EPS15: variants seen among roughly 807,000 people sequenced by gnomAD.
EPS15 encodes the protein epidermal growth factor receptor substrate 15.
EPS15 carries 72 observed loss-of-function variants against 113.8 expected under a neutral mutation model. The observed-to-expected ratio is 0.63, with a 90% confidence interval of 0.52 to 0.77. The LOEUF is 0.77. EPS15 is among the 30% of genes least tolerant of loss of function. The pLI, the probability that EPS15 is intolerant of heterozygous loss-of-function variation, is 0.00. For missense variants in EPS15, 1,048 were observed against 1,045.8 expected (o/e 1.00, Z -0.03); for synonymous variants, 344 against 363.4 (o/e 0.95, Z 0.61).
Position 51,363,893 on chromosome 1 carries a change from G to T in EPS15, c.2332C>A (p.Pro778Thr), listed in dbSNP as rs1210928908. 1.9e-6 allele frequency: 3 copies of T among 1,613,208 alleles called. No individual in the cohort carries two copies. The highest frequency in any genetic ancestry group is 2.5e-6 in the Non-Finnish European group (3 of 1,179,522). The change falls in exon 23 of 25, where the codon CCA (proline) becomes ACA (threonine). Residue 778 changes from proline (P) to threonine (T), a missense_variant. Coordinates refer to ENST00000371733, the MANE Select transcript of EPS15 (RefSeq NM_001981.3). ...PPALPPKIGTPTRPCPLPPGK... is the reference protein window; with the variant it reads ...PPALPPKIGTTTRPCPLPPGK... ...GGTGGTAGAGGGCAGGGTCTTGTTG[G>T]AGTTCCGATCTTTGGTGGCAGTGCT...
intron 21 of EPS15, among the ~76,000 whole-genome samples, chr1:51,386,664 T>G (rs1647083770): frequency 6.6e-6 from 1 of 151,932 alleles, no homozygotes; most frequent in African/African-American, 2.4e-5. Flanking sequence ...GAGAACTACG[T>G]GAAGAATGCA....
intron 2 of EPS15, among the ~76,000 whole-genome samples, chr1:51,474,707 G>A (rs1219950063): frequency 1.3e-5 from 2 of 151,614 alleles, no homozygotes; most frequent in Non-Finnish European, 2.9e-5. Context: ...TATACTTTAA[G>A]TTCTAGGGTA....
chr1:51,511,428 G>A (rs897473774), intron 1 of EPS15, among the ~76,000 whole-genome samples: 2 of 152,020 alleles, frequency 1.3e-5, no homozygotes, highest in African/African-American at 4.8e-5. Flanking sequence ...CCCAGGGGTG[G>A]AGGTTGCAGT....
chr1:51,451,041 G>C (rs992329610), intron 8 of EPS15, among the ~76,000 whole-genome samples: 1 of 151,342 alleles, frequency 6.6e-6, no homozygotes, highest in African/African-American at 2.4e-5. Flanking sequence ...ATGCTAACCA[G>C]GAAAAAAAGA....
intron 12 of EPS15, among the ~76,000 whole-genome samples, chr1:51,436,095 G>A (rs566804178): frequency 3.9e-5 from 6 of 152,298 alleles, no homozygotes; most frequent in South Asian, 2.1e-4. Context: ...AGTACAAAGA[G>A]CAAACACACT....
At chr1:51,444,293 A>C (rs1301150867) in intron 11 of EPS15, among the ~76,000 whole-genome samples, 1 of 152,192 alleles carries the variant, frequency 6.6e-6, no homozygotes, top group African/African-American at 2.4e-5. Flanking sequence ...TGACTAAAAC[A>C]ATGAAGTTTT....
At chr1:51,376,975 T>C (rs911027127) in intron 21 of EPS15, among the ~76,000 whole-genome samples, 4 of 151,968 alleles carry the variant, frequency 2.6e-5, no homozygotes, top group East Asian at 1.9e-4. Flanking sequence ...TTAAGAACAA[T>C]GTGACTCAGG....
At chr1:51,472,816 T>C (rs1304679693) in intron 3 of EPS15, 43 bp downstream of exon 3, 1 of 1,431,382 alleles carries the variant, frequency 7.0e-7, no homozygotes, top group Non-Finnish European at 9.9e-7. Flanking sequence ...ATAGTACACA[T>C]TCCTTACAAA....
At chr1:51,461,503 G>A (rs2148499905) in intron 7 of EPS15, among the ~76,000 whole-genome samples, 1 of 142,586 alleles carries the variant, frequency 7.0e-6, no homozygotes, top group Non-Finnish European at 1.5e-5. Context: ...CTGGGCAACG[G>A]AGCTAGACAC....
intron 11 of EPS15, among the ~76,000 whole-genome samples, chr1:51,444,127 T>C (rs1485102574): frequency 6.6e-6 from 1 of 152,198 alleles, no homozygotes; most frequent in African/African-American, 2.4e-5. Flanking sequence ...TTATACTTTA[T>C]AGGCCATAAG....
At chr1:51,415,731 G>A (rs1333699967) in intron 13 of EPS15, among the ~76,000 whole-genome samples, 1 of 135,800 alleles carries the variant, frequency 7.4e-6, no homozygotes, top group East Asian at 2.4e-4. Flanking sequence ...GGGAGGCAGA[G>A]GTTGCAGTGA....
At chr1:51,428,854 G>C (rs1363173144) in intron 12 of EPS15, among the ~76,000 whole-genome samples, 1 of 150,160 alleles carries the variant, frequency 6.7e-6, no homozygotes, top group Non-Finnish European at 1.5e-5. Flanking sequence ...AAAAAAGTGA[G>C]GGTAAGGCAG....
chr1:51,412,164 G>A (rs565632322), intron 13 of EPS15, among the ~76,000 whole-genome samples: 9 of 152,108 alleles, frequency 5.9e-5, no homozygotes, highest in South Asian at 2.1e-4. Context: ...CAATGAGAAC[G>A]CATGGACACA....
Position 51,487,310 on chromosome 1 carries a change from T to C in EPS15, c.34-5996A>G, listed in dbSNP as rs145909199. The stretch of plus-strand genomic sequence containing the variant: ...TTTGTTTTTAAATATTCAACTGAAG[T>C]CCATGTTAAAAACTTTGTTATAATG... On this transcript the variant is annotated intron_variant, in intron 1 of 24. Coordinates refer to ENST00000371733, the MANE Select transcript of EPS15 (RefSeq NM_001981.3). Among the ~76,000 whole-genome samples, 610 of 152,268 alleles carry C rather than the reference T, an allele frequency of 4.0e-3. 6 individuals are homozygous for C. Among genetic ancestry groups the C allele is most frequent in the Admixed American group, 0.027 (406 of 15,286 alleles).
chr1:51,398,172 G>A (rs1181192006), intron 20 of EPS15, among the ~76,000 whole-genome samples: 1 of 151,750 alleles, frequency 6.6e-6, no homozygotes, highest in Non-Finnish European at 1.5e-5. Context: ...TCCTGCCTCA[G>A]CCTCCTGAGT....
At chr1:51,450,981 C>G (rs1025354151) in intron 8 of EPS15, among the ~76,000 whole-genome samples, 1 of 151,740 alleles carries the variant, frequency 6.6e-6, no homozygotes, top group Non-Finnish European at 1.5e-5. Flanking sequence ...CAAAACTCAT[C>G]AAATTATATA....
chr1:51,447,159 T>C, intron 9 of EPS15, 54 bp from the exon 10 acceptor site: 1 of 1,488,384 alleles, frequency 6.7e-7, no homozygotes, highest in Non-Finnish European at 9.1e-7. Context: ...AACTTTGAAG[T>C]GTCACTCTTT....
intron 21 of EPS15, among the ~76,000 whole-genome samples, chr1:51,376,843 G>A (rs1273313694): frequency 3.3e-5 from 5 of 152,232 alleles, no homozygotes; most frequent in South Asian, 2.1e-4. Flanking sequence ...TGACTTTCTA[G>A]TTTTATTATT....
In EPS15 at chr1:51,448,787, A is replaced by C. The variant is rs543738187; in HGVS notation, c.562-652T>G. Among the ~76,000 whole-genome samples the C allele has an allele frequency of 1.3e-3, 203 of 152,288 alleles. 1 individual carries two copies. Among genetic ancestry groups the C allele is most frequent in the Admixed American group, 5.4e-3 (83 of 15,288 alleles). On this transcript the variant is annotated intron_variant, in intron 8 of 24. Coordinates refer to ENST00000371733, the MANE Select transcript of EPS15 (RefSeq NM_001981.3). ...TATTTTGAACTGAAAGCAACTGAGA[A>C]GTAGTAGCATCAAAAAAATAAATAA...
Sources: gnomAD v4.1 joint callset for allele counts (sites outside exome capture counted in the v4.1 genomes callset) on GRCh38, gnomAD v4.1.1 for gene constraint, MANE v1.5 for transcripts, NCBI Gene and HGNC (gene_info 2026-07-23, HGNC 2026-07-21) for gene names.